WHRN: variants seen among roughly 807,000 people sequenced by gnomAD.
WHRN encodes the protein whirlin, also known as CASK-interacting protein CIP98.
A neutral mutation model predicts 68.3 loss-of-function variants in WHRN; 41 were observed. That is an observed-to-expected ratio of 0.60 (90% confidence interval 0.47 to 0.78). The LOEUF (loss-of-function observed/expected upper bound fraction) is 0.78, where lower values mean the gene tolerates loss of function less well. Ranked by LOEUF, WHRN falls within the 30% of genes least tolerant of loss-of-function variation. The pLI is 0.00. For missense variants in WHRN, 1,243 were observed against 1,244.7 expected (o/e 1.00, Z 0.02); for synonymous variants, 560 against 561.3 (o/e 1.00, Z 0.03).
At chr9:114,411,352 G>C (rs1279664823) in intron 7 of WHRN, among the ~76,000 whole-genome samples, 3 of 152,182 alleles carry the variant, frequency 2.0e-5, no homozygotes, top group African/African-American at 7.2e-5. Flanking sequence ...AGGAGGCACA[G>C]AGAGGGGTCA....
chr9:114,419,964 A>G (rs1050914807), intron 7 of WHRN, among the ~76,000 whole-genome samples: 5 of 152,132 alleles, frequency 3.3e-5, no homozygotes, highest in Non-Finnish European at 7.3e-5. Context: ...GGGTGGCAGA[A>G]AAGGCCACAG....
intron 2 of WHRN, among the ~76,000 whole-genome samples, chr9:114,467,797 G>C (rs2132983714): frequency 6.6e-6 from 1 of 152,266 alleles, no homozygotes; most frequent in South Asian, 2.1e-4. Context: ...CTGAAACCTA[G>C]CCCAAAGAGA....
Position 114,406,878 on chromosome 9 carries a change from G to A in WHRN, c.1713C>T (p.Ser571=), listed in dbSNP as rs753605610. Residue 571 remains serine (S), a synonymous_variant, in exon 9 of 12, where the codon TCC becomes TCT. Transcript: ENST00000362057. ...LPDVSVDDVR[S]TSQGLSSFKP... ...TGAAGCTTGACAGCCCCTGGGAGGT[G>A]GATCTGACATCATCCTGCCAAAAGA... The A allele has an allele frequency of 2.9e-5, 46 of 1,578,492 alleles. 1 individual carries two copies. In the East Asian group the frequency reaches 9.8e-4, roughly 34 times the overall value.
At chr9:114,471,805 G>A (rs1010285588) in intron 2 of WHRN, among the ~76,000 whole-genome samples, 1 of 152,226 alleles carries the variant, frequency 6.6e-6, no homozygotes, top group African/African-American at 2.4e-5. Flanking sequence ...AGGGGATTCT[G>A]GGTAAGATTC....
Position 114,423,435 on chromosome 9 carries a change from G to C in WHRN, c.1505C>G (p.Ser502Cys). ...DHLVLRREIESMKARQPPGPG... is the reference protein window; with the variant it reads ...DHLVLRREIECMKARQPPGPG... ...GCCTGGGGGCTGCCGCGCCTTCATG[G>C]ACTCAATCTCACGCCTCAGCACCAG... is the stretch of plus-strand genomic sequence containing the variant. Residue 502 changes from serine (S) to cysteine (C), a missense_variant, in exon 7 of 12, where the codon TCC (serine) becomes TGC (cysteine). Physicochemically the swap from Ser to Cys is moderately radical, Grantham distance 112. Coordinates refer to ENST00000362057, the MANE Select transcript of WHRN (RefSeq NM_015404.4). The C allele has an allele frequency of 1.2e-6, 2 of 1,614,088 alleles. No homozygotes were observed. The highest frequency in any genetic ancestry group is 1.7e-6 in the Non-Finnish European group (2 of 1,179,998).
At position 114,422,718 on chromosome 9, in the gene WHRN, C is replaced by T. The variant is rs148149137; in HGVS notation, c.1626+596G>A. On this transcript the variant is annotated intron_variant, in intron 7 of 11. Coordinates refer to ENST00000362057, the MANE Select transcript of WHRN (RefSeq NM_015404.4). ...GTTATGGTGGTAGGCACCTGTAATC[C>T]CAGCTACTCAAGAGGCTGAAGCAGG... 4.1e-3 allele frequency among the ~76,000 whole-genome samples: 618 copies of T among 152,178 alleles called. 4 individuals are homozygous for T. Among genetic ancestry groups the T allele is most frequent in the African/African-American group, 0.014 (592 of 41,498 alleles).
intron 3 of WHRN, among the ~76,000 whole-genome samples, chr9:114,430,195 G>T (rs1441787500): frequency 6.6e-6 from 1 of 152,212 alleles, no homozygotes; most frequent in Non-Finnish European, 1.5e-5. Flanking sequence ...GGCCAGGAGG[G>T]CAGTGAGGGG....
chr9:114,403,280 C>T lies in WHRN; in HGVS notation c.2478G>A (p.Leu826=). 5.6e-6 allele frequency: 9 copies of T among 1,614,158 alleles called. No homozygotes were observed. The highest frequency in any genetic ancestry group is 6.8e-6 in the Non-Finnish European group (8 of 1,180,036). The change falls in exon 11 of 12, where the codon CTG becomes CTA. Residue 826 remains leucine, a synonymous_variant. Transcript: ENST00000362057. ...TGGCGCCACCCTCGATGGCGATGCC[C>T]AGGGTGGCCGCACTTTTCTTCACAC... ...LVRVKKSAAT[L]GIAIEGGANT...
chr9:114,417,822 G>A (rs762313540), intron 7 of WHRN, among the ~76,000 whole-genome samples: 1 of 152,322 alleles, frequency 6.6e-6, no homozygotes, highest in East Asian at 1.9e-4. Flanking sequence ...AGAAGAGGTG[G>A]GAATATAGAG....
chr9:114,406,267 TC>T (rs1835016005), intron 9 of WHRN, 87 bp downstream of exon 9: 4 of 1,577,992 alleles, frequency 2.5e-6, no homozygotes, highest in East Asian at 2.2e-5. Context: ...AAGTAGCTGG[TC>T]CCCCCCTTCA....
At chr9:114,486,559 G>C (rs1402974226) in intron 1 of WHRN, among the ~76,000 whole-genome samples, 1 of 152,162 alleles carries the variant, frequency 6.6e-6, no homozygotes, top group Non-Finnish European at 1.5e-5. Context: ...ATGCCAGACA[G>C]CCTCAGGAAT....
chr9:114,478,231 C>T (rs1273182590), intron 2 of WHRN: 15 of 633,302 alleles, frequency 2.4e-5, no homozygotes, highest in African/African-American at 1.8e-4. Context: ...GAGGTTGCAG[C>T]GAGCCAGGAT....
At chr9:114,406,272 C>A (rs1185518558) in intron 9 of WHRN, 83 bp downstream of exon 9, 20 of 1,590,328 alleles carry the variant, frequency 1.3e-5, no homozygotes, top group Non-Finnish European at 1.7e-5. Flanking sequence ...GCTGGTCCCC[C>A]CCTTCACTGT....
intron 2 of WHRN, among the ~76,000 whole-genome samples, chr9:114,473,271 C>T (rs1025193719): frequency 1.3e-5 from 2 of 152,226 alleles, no homozygotes; most frequent in Admixed American, 1.3e-4. Flanking sequence ...TTCCTGCCCG[C>T]ATCATTCCTC....
intron 3 of WHRN, among the ~76,000 whole-genome samples, chr9:114,431,931 G>A (rs1837459302): frequency 6.6e-6 from 1 of 152,208 alleles, no homozygotes; most frequent in Non-Finnish European, 1.5e-5. Flanking sequence ...CCCTCCACCA[G>A]AGCTCACTGG....
Position 114,468,578 on chromosome 9 carries a change from G to T in WHRN, c.838-2186C>A, listed in dbSNP as rs573798038. Among the ~76,000 whole-genome samples, 3 of 152,132 alleles carry T rather than the reference G, an allele frequency of 2.0e-5. No homozygotes were observed. In the South Asian group the frequency reaches 6.2e-4, roughly 32 times the overall value. ...TGTCAGGGTGGTCTATCCCATGTGG[G>T]ATGGTGCCAGGAGGGCACTGCTCTG... On this transcript the variant is annotated intron_variant, in intron 2 of 11. Transcript: ENST00000362057.
intron 3 of WHRN, among the ~76,000 whole-genome samples, chr9:114,433,530 A>T (rs1837594994): frequency 6.6e-6 from 1 of 152,202 alleles, no homozygotes; most frequent in South Asian, 2.1e-4. Context: ...TCTATTAAAG[A>T]GTTTTATTGC....
At chr9:114,419,387 C>G (rs184752756) in intron 7 of WHRN, among the ~76,000 whole-genome samples, 2 of 152,230 alleles carry the variant, frequency 1.3e-5, no homozygotes, top group African/African-American at 4.8e-5. Context: ...AAATTATGGG[C>G]TAGGGTCTGT....
Position 114,472,496 on chromosome 9 carries a change from T to C in WHRN, c.837+6057A>G, listed in dbSNP as rs557895761. On this transcript the variant is annotated intron_variant, in intron 2 of 11. Transcript: ENST00000362057. ...TTTTGTCACCTTCTTAGTGAGGCCG[T>C]CCCTGCCCCTTCTCTAACACTGCCC... Among the ~76,000 whole-genome samples, 184 of 152,290 alleles carry C rather than the reference T, an allele frequency of 1.2e-3. 1 individual carries two copies. Among genetic ancestry groups the C allele is most frequent in the African/African-American group, 4.4e-3 (181 of 41,574 alleles).
Sources: allele counts gnomAD v4.1 joint callset (sites outside exome capture counted in the v4.1 genomes callset), GRCh38; gene constraint gnomAD v4.1.1; transcripts MANE v1.5; gene names NCBI Gene and HGNC (gene_info 2026-07-23, HGNC 2026-07-21).